The following POLR1A variants were observed in gnomAD, a reference collection of about 807,000 sequenced individuals.
POLR1A encodes DNA-directed RNA polymerase I subunit RPA1.
POLR1A carries 84 observed loss-of-function variants against 205.3 expected under a neutral mutation model. The observed-to-expected ratio is 0.41, with a 90% confidence interval of 0.34 to 0.49. The LOEUF (loss-of-function observed/expected upper bound fraction) is 0.49. Ranked by LOEUF, POLR1A falls within the 20% of genes least tolerant of loss-of-function variation. The probability of loss-of-function intolerance (pLI) is 0.22; values close to 1 mark genes in which losing one functional copy is unlikely to be tolerated. For synonymous variants in POLR1A, 799 were observed against 863.7 expected (o/e 0.93, Z 1.31); for missense variants, 1,645 against 2,204.5 (o/e 0.75, Z 5.08).
chr2:86,088,800 C>T lies in POLR1A; in HGVS notation c.611G>A (p.Arg204His), dbSNP rs1420946469. The change falls in exon 5 of 34, where the codon CGC (arginine) becomes CAC (histidine). Residue 204 changes from arginine (R) to histidine (H), a missense_variant. By Grantham distance (29) the Arg-to-His change is conservative. Transcript: ENST00000263857. ...TGATACTTACTTGCAGTGGGGACAG[C>T]GCTTAGCATTCATATGTGCCTTCCA... is the stretch of plus-strand genomic sequence containing the variant. ...LFWKAHMNAKRCPHCKTGRSV... is the reference protein window; with the variant it reads ...LFWKAHMNAKHCPHCKTGRSV... 6.8e-6 allele frequency: 11 copies of T among 1,613,608 alleles called. No homozygotes were observed. The Admixed American group carries it at 8.3e-5, about 12-fold the overall frequency.
At chr2:86,053,286 C>T (rs1672839118) in intron 15 of POLR1A, among the ~76,000 whole-genome samples, 1 of 151,954 alleles carries the variant, frequency 6.6e-6, no homozygotes, top group Non-Finnish European at 1.5e-5. Context: ...CACACTCTCT[C>T]TCCATGTGTT....
Position 86,065,261 on chromosome 2 carries a change from C to G in POLR1A, c.2058+13G>C. 3 of 1,610,240 alleles carry G rather than the reference C, an allele frequency of 1.9e-6. No individual in the cohort carries two copies. Among genetic ancestry groups the G allele is most frequent in the South Asian group, 2.2e-5 (2 of 90,696 alleles). On this transcript the variant is annotated intron_variant, in intron 14 of 33. Transcript: ENST00000263857. ...CCTTTTGTTACATACACTGGCTGTT[C>G]TCTCCCAATTACCTGTTTTCCTGTC... is the stretch of plus-strand genomic sequence containing the variant.
In POLR1A at chr2:86,028,721, G is replaced by A. The variant is rs763205466; in HGVS notation, c.4780-10C>T. The A allele has an allele frequency of 1.6e-5, 26 of 1,601,524 alleles. No individual in the cohort carries two copies. Among genetic ancestry groups the A allele is most frequent in the Non-Finnish European group, 2.1e-5 (25 of 1,168,666 alleles). On this transcript the variant is annotated splice_polypyrimidine_tract_variant and intron_variant, in intron 31 of 33. Coordinates refer to ENST00000263857, the MANE Select transcript of POLR1A (RefSeq NM_015425.6). This position sits in a 1 kb window ranked among gnomAD's most constrained non-coding sequence, Gnocchi z 4.5. ...GGCGCAGATCCAGGACCTGGAGAGA[G>A]GAAGGAAGGGATTTATTTAGAGGGC...
intron 16 of POLR1A, among the ~76,000 whole-genome samples, chr2:86,050,385 AG>A (rs1672782325): frequency 6.6e-6 from 1 of 152,228 alleles, no homozygotes; most frequent in South Asian, 2.1e-4. Flanking sequence ...TGTGAACAGA[AG>A]GGGAAAGAAA....
In POLR1A at chr2:86,045,665, C is replaced by A. The variant is rs1300111582; in HGVS notation, c.2838G>T (p.Arg946Ser). 1.9e-6 allele frequency: 3 copies of A among 1,613,718 alleles called. No homozygotes were observed. Among genetic ancestry groups the A allele is most frequent in the Non-Finnish European group, 2.5e-6 (3 of 1,179,962 alleles). ...ACCTGCCAGTGACAAAGCCACCAGC[C>A]CTGGGGGTGAACTCATAAGGCTCAA... ...PCFEPYEFTPRAGGFVTGRFL... is the reference protein window; with the variant it reads ...PCFEPYEFTPSAGGFVTGRFL... Residue 946 changes from arginine to serine, a missense_variant, in exon 20 of 34, where the codon AGG (arginine) becomes AGT (serine). Around this residue, in one of 16 missense-constraint regions of POLR1A, gnomAD observed 339 missense variants for 415.1 expected, o/e 0.82. Coordinates refer to ENST00000263857, the MANE Select transcript of POLR1A (RefSeq NM_015425.6).
intron 14 of POLR1A, among the ~76,000 whole-genome samples, chr2:86,056,625 T>C (rs1241809298): frequency 6.6e-6 from 1 of 152,168 alleles, no homozygotes; most frequent in Non-Finnish European, 1.5e-5. Flanking sequence ...GCTTCACAGC[T>C]TCAAAGGACA....
chr2:86,054,593 A>G (rs1002870798), intron 14 of POLR1A, among the ~76,000 whole-genome samples: 1 of 152,252 alleles, frequency 6.6e-6, no homozygotes, highest in African/African-American at 2.4e-5. Flanking sequence ...AAATTCCTAA[A>G]TAGACCAAAG....
Position 86,048,994 on chromosome 2 carries a change from C to A in POLR1A, c.2524G>T (p.Val842Phe), listed in dbSNP as rs755134579. ...NLPEAASYDE[V>F]RGKWQDAHLG... ...TGGGCATCCTGCCATTTTCCTCGGA[C>A]CTCATCATATGATGCGGCTTCTGGC... Residue 842 changes from valine (V) to phenylalanine (F), a missense_variant, in exon 18 of 34, where the codon GTC becomes TTC. Transcript: ENST00000263857. 5.8e-5 allele frequency: 93 copies of A among 1,614,090 alleles called. No individual in the cohort carries two copies. Among genetic ancestry groups the A allele is most frequent in the Non-Finnish European group, 7.8e-5 (92 of 1,180,004 alleles).
intron 12 of POLR1A, among the ~76,000 whole-genome samples, chr2:86,073,355 TG>T (rs1449347173): frequency 6.6e-6 from 1 of 152,114 alleles, no homozygotes; most frequent in African/African-American, 2.4e-5. Flanking sequence ...TGGTATTAGG[TG>T]GCAGAGCTGA....
At chr2:86,067,241 C>G (rs1327468591) in intron 13 of POLR1A, among the ~76,000 whole-genome samples, 1 of 152,148 alleles carries the variant, frequency 6.6e-6, no homozygotes, top group Non-Finnish European at 1.5e-5. Context: ...AATCAAAACC[C>G]CAGACAATTG....
intron 1 of POLR1A, among the ~76,000 whole-genome samples, chr2:86,101,173 T>C (rs1340946918): frequency 6.6e-6 from 1 of 152,200 alleles, no homozygotes; most frequent in Non-Finnish European, 1.5e-5. Context: ...TAGGCTAACT[T>C]TGCTTTTACA....
chr2:86,061,700 A>C (rs1672999245), intron 14 of POLR1A, among the ~76,000 whole-genome samples: 1 of 152,262 alleles, frequency 6.6e-6, no homozygotes, highest in African/African-American at 2.4e-5. Context: ...TAAAGCAATA[A>C]AAAATAAACT....
chr2:86,103,149 A>G (rs1221968425), intron 1 of POLR1A, among the ~76,000 whole-genome samples: 1 of 152,232 alleles, frequency 6.6e-6, no homozygotes, highest in East Asian at 1.9e-4. Context: ...ATGACGAAAA[A>G]TAATGCAGGG....
intron 16 of POLR1A, among the ~76,000 whole-genome samples, chr2:86,050,969 A>G (rs1672792116): frequency 6.6e-6 from 1 of 152,232 alleles, no homozygotes; most frequent in African/African-American, 2.4e-5. Flanking sequence ...GACTTAACTT[A>G]TAATCCTTAT....
chr2:86,031,412 T>C lies in POLR1A; in HGVS notation c.4496A>G (p.Glu1499Gly). The C allele has an allele frequency of 6.2e-7, 1 of 1,613,438 alleles. No individual in the cohort carries two copies. Among genetic ancestry groups the C allele is most frequent in the Non-Finnish European group, 8.5e-7 (1 of 1,179,656 alleles). Reference protein sequence around the residue: ...SQEPQGPEAMERRVQAVREIH... With the variant: ...SQEPQGPEAMGRRVQAVREIH... ...CTCACGCACAGCCTGGACCCGGCGC[T>C]CCATGGCCTCGGGCCCCTGGGGCTC... Residue 1499 changes from glutamate to glycine, a missense_variant, in exon 30 of 34, where the codon GAG becomes GGG. Glu to Gly is a moderately conservative substitution (Grantham distance 98). Around this residue, in one of 16 missense-constraint regions of POLR1A, gnomAD observed 394 missense variants for 468.5 expected, o/e 0.84. Coordinates refer to ENST00000263857, the MANE Select transcript of POLR1A (RefSeq NM_015425.6).
At position 86,030,378 on chromosome 2, in the gene POLR1A, G is replaced by C. The variant is rs777141400; in HGVS notation, c.4597C>G (p.Leu1533Val). ...CTCATGTCAAAGTTGATCTTCATCA[G>C]AGGGAGCTTCACTGTCACCTGCAAA... The part of the protein sequence containing the change: ...LWCQVTVKLP[L>V]MKINFDMSSL... Residue 1533 changes from leucine to valine, a missense_variant, in exon 31 of 34, where the codon CTG (leucine) becomes GTG (valine). Physicochemically the swap from Leu to Val is conservative, Grantham distance 32. Coordinates refer to ENST00000263857, the MANE Select transcript of POLR1A (RefSeq NM_015425.6). 3.7e-6 allele frequency: 6 copies of C among 1,613,840 alleles called. No homozygotes were observed. Among genetic ancestry groups the C allele is most frequent in the Admixed American group, 3.3e-5 (2 of 60,028 alleles).
chr2:86,033,850 T>G (rs931297881), intron 27 of POLR1A, 63 bp from the exon 28 acceptor site: 7 of 1,589,104 alleles, frequency 4.4e-6, no homozygotes, highest in Non-Finnish European at 6.0e-6. Context: ...CTACCCTCAT[T>G]TGGGGGATAG....
rs186204421 is a variant in POLR1A at position 86,086,088 on chromosome 2, C to T, written c.730+2478G>A. Among the ~76,000 whole-genome samples, 8 of 151,704 alleles carry T rather than the reference C, an allele frequency of 5.3e-5. No individual in the cohort carries two copies. The East Asian group carries it at 9.7e-4, about 18-fold the overall frequency. On this transcript the variant is annotated intron_variant, in intron 6 of 33. Coordinates refer to ENST00000263857, the MANE Select transcript of POLR1A (RefSeq NM_015425.6). ...TTTTTTTTTCTTTGAGATGGGGTTT[C>T]GCTCTTGTTGCCCAGGCTGGAGTGC...
intron 9 of POLR1A, among the ~76,000 whole-genome samples, chr2:86,080,139 G>A (rs931239572): frequency 8.5e-5 from 13 of 152,094 alleles, no homozygotes; most frequent in East Asian, 1.9e-4. Flanking sequence ...CTGAGAACCC[G>A]GACTGTCTAC....
Sources: gnomAD v4.1 joint callset for allele counts (sites outside exome capture counted in the v4.1 genomes callset) on GRCh38, gnomAD v4.1.1 for gene constraint, gnomAD v4.1.1 regional missense constraint, Gnocchi (gnomAD v3.1) non-coding constraint, MANE v1.5 for transcripts, NCBI Gene and HGNC (gene_info 2026-07-23, HGNC 2026-07-21) for gene names.